Variants in RNASET2 observed in about 807,000 individuals in gnomAD.
The protein encoded by RNASET2 is ribonuclease T2, also known as ribonuclease 6.
In RNASET2, 28 loss-of-function variants were observed where a neutral mutation model predicts 33.9. The observed-to-expected ratio is 0.83, with a 90% CI of 0.61 to 1.13. The LOEUF is 1.13. Ranked by LOEUF, RNASET2 falls within the 50% of genes most tolerant of loss-of-function variation. The pLI is 0.00. For missense variants in RNASET2, 330 were observed against 319.9 expected, an observed-to-expected ratio of 1.03 and a Z score of -0.24; for synonymous variants, 123 against 121.0, an observed-to-expected ratio of 1.02 and a Z score of -0.11.
At position 166,923,623 on chromosome 6, in the gene RNASET2, A is replaced by G. The variant is rs1778265231; in HGVS notation, c.*5965T>C. Among the ~76,000 whole-genome samples the G allele has an allele frequency of 6.6e-6, 1 of 151,162 alleles. No individual in the cohort carries two copies. Among genetic ancestry groups the G allele is most frequent in the Admixed American group, 6.6e-5 (1 of 15,204 alleles). On this transcript the variant is annotated 3_prime_UTR_variant, in exon 9 of 9. Coordinates refer to ENST00000508775, the MANE Select transcript of RNASET2 (RefSeq NM_003730.6). ...CCATTACAGTCACTCAGAAAAAAAA[A>G]ATAGAATTCTTATCAGAAAAAAAAT...
At chr6:166,954,915 C>T (rs548357590) in intron 1 of RNASET2, among the ~76,000 whole-genome samples, 2 of 151,970 alleles carry the variant, frequency 1.3e-5, no homozygotes, top group Admixed American at 6.6e-5. Context: ...CGCTTGAACC[C>T]GGGAGGTGGA....
intron 6 of RNASET2, among the ~76,000 whole-genome samples, chr6:166,937,433 G>A (rs1383940273): frequency 6.6e-6 from 1 of 152,106 alleles, no homozygotes; most frequent in Non-Finnish European, 1.5e-5. Context: ...CACCACACAT[G>A]GCCCATAATG....
intron 6 of RNASET2, 62 bp from the exon 7 acceptor site, chr6:166,934,198 T>A: frequency 9.4e-7 from 1 of 1,059,106 alleles, no homozygotes; most frequent in Non-Finnish European, 1.5e-6. Context: ...TTCTTGTTCT[T>A]TTCAGGTATC....
chr6:166,955,308 GACACACACGCACACA>G (rs1779114165), intron 1 of RNASET2, among the ~76,000 whole-genome samples: 20 of 36,976 alleles, frequency 5.4e-4, no homozygotes, highest in Non-Finnish European at 6.9e-4. Flanking sequence ...GCGCACACAC[GACACACACGCACACA>G]CACGCACGCA....
chr6:166,956,193 T>C lies in RNASET2; in HGVS notation c.-11A>G, dbSNP rs564957182. ...GGCTGCAGGGCGCATGGTGCCGACCTGCGGAGAGAACGCTGCCAGCTGCCG... is the reference window on the plus strand; with the variant it reads ...GGCTGCAGGGCGCATGGTGCCGACCCGCGGAGAGAACGCTGCCAGCTGCCG... On this transcript the variant is annotated 5_prime_UTR_variant, in exon 1 of 9. Transcript: ENST00000508775. 3.9e-6 allele frequency: 6 copies of C among 1,546,520 alleles called. No homozygotes were observed. The East Asian group carries it at 9.8e-5, about 25-fold the overall frequency.
chr6:166,933,761 C>A lies in RNASET2; in HGVS notation c.492+330G>T. The A allele has an allele frequency of 3.0e-6, 1 of 331,154 alleles. No individual in the cohort carries two copies. The highest frequency in any genetic ancestry group is 5.5e-6 in the Non-Finnish European group (1 of 181,726). 20.5% of individuals were successfully genotyped at this position (331,154 alleles called of 1,614,324 possible). ...TCACAATTTTATCATGAAAACAAAC[C>A]ACAAACAAATATAAGACTACGTTAT... On this transcript the variant is annotated intron_variant, in intron 7 of 8. Coordinates refer to ENST00000508775, the MANE Select transcript of RNASET2 (RefSeq NM_003730.6). The surrounding 1 kb of genome is among the most constrained non-coding windows in gnomAD (Gnocchi z 4.1).
At position 166,925,162 on chromosome 6, in the gene RNASET2, ACTCCTGCCGCCCAGCC is replaced by A. The variant is rs1778285787; in HGVS notation, c.*4410_*4425del. On this transcript the variant is annotated 3_prime_UTR_variant, in exon 9 of 9. Coordinates refer to ENST00000508775, the MANE Select transcript of RNASET2 (RefSeq NM_003730.6). The stretch of plus-strand genomic sequence containing the variant: ...GCCTCATCTACGCCATCCAGCCCTC[ACTCCTGCCGCCCAGCC>A]CTCACTCCTGCCGCCCAGCCCTCAC... 9.5e-6 allele frequency among the ~76,000 whole-genome samples: 1 copy of A among 105,312 alleles called. No homozygotes were observed. Among genetic ancestry groups the A allele is most frequent in the South Asian group, 2.6e-4 (1 of 3,776 alleles). The allele number at this position is 105,312 out of a possible 152,430, so 69.1% of individuals were successfully genotyped here. A position where few individuals can be genotyped will look rare whatever the true frequency, so the allele number is the denominator to read the frequency against.
intron 6 of RNASET2, 38 bp downstream of exon 6, chr6:166,938,857 C>G: frequency 6.9e-7 from 1 of 1,441,196 alleles, no homozygotes; most frequent in Non-Finnish European, 9.8e-7. Flanking sequence ...AGCAGAGATC[C>G]CCACTGGGAA....
At chr6:166,946,430 G>T (rs548477345) in intron 4 of RNASET2, among the ~76,000 whole-genome samples, 1 of 152,348 alleles carries the variant, frequency 6.6e-6, no homozygotes, top group South Asian at 2.1e-4. Context: ...GCTCCGGTCG[G>T]AGCCCCTCGC....
intron 3 of RNASET2, among the ~76,000 whole-genome samples, chr6:166,947,155 G>A (rs995526568): frequency 7.9e-4 from 121 of 152,226 alleles, no homozygotes; most frequent in African/African-American, 2.6e-3. Flanking sequence ...TGAGAACAGC[G>A]AGAGTCTGTT....
chr6:166,943,985 T>C (rs1778764500), intron 4 of RNASET2: 1 of 228,840 alleles, frequency 4.4e-6, no homozygotes, highest in Non-Finnish European at 9.0e-6. Context: ...CTGGGCACGG[T>C]GCCACATGCC....
At position 166,924,866 on chromosome 6, in the gene RNASET2, C is replaced by T. The variant is rs924714948; in HGVS notation, c.*4722G>A. Among the ~76,000 whole-genome samples, 8 of 152,222 alleles carry T rather than the reference C, an allele frequency of 5.3e-5. No individual in the cohort carries two copies. The highest frequency in any genetic ancestry group is 2.6e-4 in the Admixed American group (4 of 15,282). On this transcript the variant is annotated 3_prime_UTR_variant, in exon 9 of 9. Transcript: ENST00000508775. ...TGGGCCCAAGAGGAAAAGATCCCTG[C>T]TTATGGCCATGTCCCAGTGCCTAGA...
rs765669590 is a variant in RNASET2, at chr6:166,946,757, A to G, written c.204-18T>C. 21 of 1,517,314 alleles carry G rather than the reference A, an allele frequency of 1.4e-5. No homozygotes were observed. The highest frequency in any genetic ancestry group is 1.7e-5 in the Non-Finnish European group (19 of 1,108,416). The allele number at this position is 1,517,314 out of a possible 1,614,324, so 94.0% of individuals were successfully genotyped here. A position where few individuals can be genotyped will look rare whatever the true frequency, so the allele number is the denominator to read the frequency against. ...TATCGGGCCTGGAAATTCAAATTTA[A>G]AAGAGAAAATAAGAAATATTAGGCT... On this transcript the variant is annotated intron_variant, in intron 3 of 8. Transcript: ENST00000508775.
intron 1 of RNASET2, chr6:166,955,450 G>T: frequency 1.0e-6 from 1 of 982,918 alleles, no homozygotes; most frequent in Non-Finnish European, 1.2e-6. Context: ...CAAGGGAAGG[G>T]ATTCAGAACA....
intron 1 of RNASET2, among the ~76,000 whole-genome samples, chr6:166,955,251 A>G (rs7767319): frequency 2.7e-5 from 3 of 110,780 alleles, no homozygotes; most frequent in African/African-American, 4.2e-5. Flanking sequence ...ACACACACGC[A>G]CACACGCACA....
At position 166,927,163 on chromosome 6, in the gene RNASET2, A is replaced by G. The variant is rs1778320082; in HGVS notation, c.*2425T>C. 6.6e-6 allele frequency among the ~76,000 whole-genome samples: 1 copy of G among 151,960 alleles called. No individual in the cohort carries two copies. Among genetic ancestry groups the G allele is most frequent in the African/African-American group, 2.4e-5 (1 of 41,210 alleles). The stretch of plus-strand genomic sequence containing the variant: ...CCTACTTGTTTAATGATGTAAAAAC[A>G]TGTGCTTGGATCTGATCTCCATCAC... On this transcript the variant is annotated 3_prime_UTR_variant, in exon 9 of 9. Transcript: ENST00000508775.
At chr6:166,937,083 C>T (rs1778587197) in intron 6 of RNASET2, among the ~76,000 whole-genome samples, 1 of 152,160 alleles carries the variant, frequency 6.6e-6, no homozygotes, top group Non-Finnish European at 1.5e-5. Flanking sequence ...TTCTTTTTAA[C>T]TGCAAGTCTC....
chr6:166,926,852 T>C lies in RNASET2; in HGVS notation c.*2736A>G, dbSNP rs549769515. Among the ~76,000 whole-genome samples, 9 of 152,344 alleles carry C rather than the reference T, an allele frequency of 5.9e-5. No individual in the cohort carries two copies. The East Asian group carries it at 1.5e-3, about 26-fold the overall frequency. On this transcript the variant is annotated 3_prime_UTR_variant, in exon 9 of 9. Transcript: ENST00000508775. ...CCTAGTCCACGGGTCCTCTTTTCCA[T>C]GGTGCCGCAGAGATGCTCCAGGCAG...
Position 166,926,004 on chromosome 6 carries a change from C to A in RNASET2, c.*3584G>T, listed in dbSNP as rs777796768. ...TTGGTTACGGAGAGTGGCACAAACA[C>A]GGTGCCAGCGTCCAGCACTGACAGT... On this transcript the variant is annotated 3_prime_UTR_variant, in exon 9 of 9. Coordinates refer to ENST00000508775, the MANE Select transcript of RNASET2 (RefSeq NM_003730.6). Among the ~76,000 whole-genome samples the A allele has an allele frequency of 4.6e-5, 7 of 152,146 alleles. No homozygotes were observed. Among genetic ancestry groups the A allele is most frequent in the Non-Finnish European group, 8.8e-5 (6 of 68,038 alleles).
Sources: gnomAD v4.1 joint callset for allele counts (sites outside exome capture counted in the v4.1 genomes callset) on GRCh38, gnomAD v4.1.1 for gene constraint, Gnocchi (gnomAD v3.1) non-coding constraint, MANE v1.5 for transcripts, NCBI Gene and HGNC (gene_info 2026-07-23, HGNC 2026-07-21) for gene names.